WDR1: variants seen among roughly 807,000 people sequenced by gnomAD.
WDR1 encodes the protein WD repeat-containing protein 1.
WDR1 carries 21 observed loss-of-function variants against 71.9 expected under a neutral mutation model. The ratio of observed to expected loss-of-function variants is 0.29; its 90% CI spans 0.21 to 0.42. The LOEUF (loss-of-function observed/expected upper bound fraction) is 0.42. WDR1 is among the 10% of genes least tolerant of loss of function. The pLI is 1.00. For synonymous variants in WDR1, 424 were observed against 347.4 expected, an observed-to-expected ratio of 1.22 and a Z score of -2.45; for missense variants, 696 against 824.5, an observed-to-expected ratio of 0.84 and a Z score of 1.91.
At chr4:10,100,816 G>A (rs1001149005) in intron 3 of WDR1, among the ~76,000 whole-genome samples, 4 of 152,218 alleles carry the variant, frequency 2.6e-5, no homozygotes, top group South Asian at 2.1e-4. Context: ...TGGCAGCATC[G>A]GAGGGGAGCA....
In WDR1 at chr4:10,075,495, A is replaced by G. The variant is rs1199160763; in HGVS notation, c.1715-11T>C. The G allele has an allele frequency of 6.2e-7, 1 of 1,612,606 alleles. No individual in the cohort carries two copies. The stretch of plus-strand genomic sequence containing the variant: ...GCAGCCGGTGTGCATCTGGGAAGAA[A>G]GGGTGCAATTTAACGAAAAGCCAAA... On this transcript the variant is annotated splice_polypyrimidine_tract_variant and intron_variant, in intron 14 of 14. Coordinates refer to ENST00000499869, the MANE Select transcript of WDR1 (RefSeq NM_017491.5).
chr4:10,079,504 C>G (rs1764934329), intron 11 of WDR1, among the ~76,000 whole-genome samples: 1 of 152,234 alleles, frequency 6.6e-6, no homozygotes, highest in Admixed American at 6.5e-5. Flanking sequence ...TGAGCCGGGA[C>G]TCGCCCAGAA....
At position 10,087,788 on chromosome 4, in the gene WDR1, G is replaced by A. The variant is rs1209312373; in HGVS notation, c.870C>T (p.Asp290=). The A allele has an allele frequency of 3.8e-6, 6 of 1,599,000 alleles. No homozygotes were observed. In the Admixed American group the frequency reaches 8.7e-5, roughly 23 times the overall value. ...CGGACAGGGAGACACTGAGCAGGTG[G>A]TCCTTCTGCCATAGGCAGCCCAGCT... is the stretch of plus-strand genomic sequence containing the variant. The part of the protein sequence containing the change: ...DQQLGCLWQK[D]HLLSVSLSGY... Residue 290 remains aspartate, a synonymous_variant, in exon 8 of 15, where the codon GAC becomes GAT. Transcript: ENST00000499869.
At chr4:10,111,036 C>G (rs979596874) in intron 2 of WDR1, among the ~76,000 whole-genome samples, 1 of 152,244 alleles carries the variant, frequency 6.6e-6, no homozygotes, top group Admixed American at 6.5e-5. Flanking sequence ...CGCAACGGAA[C>G]CTGCGCTGAC....
intron 2 of WDR1, among the ~76,000 whole-genome samples, chr4:10,104,814 T>A (rs1465996680): frequency 6.6e-6 from 1 of 152,180 alleles, no homozygotes; most frequent in Non-Finnish European, 1.5e-5. Flanking sequence ...GTCAGCTTTT[T>A]ACAAACCAAG....
At chr4:10,083,216 T>G in intron 9 of WDR1, 38 bp from the exon 10 acceptor site, 1 of 1,598,824 alleles carries the variant, frequency 6.3e-7, no homozygotes, top group Non-Finnish European at 8.5e-7. Context: ...CTCCCAGGAC[T>G]GCTGGGTGTT....
intron 3 of WDR1, 117 bp from the exon 4 acceptor site, chr4:10,099,256 T>C (rs1430992547): frequency 6.1e-6 from 5 of 815,430 alleles, no homozygotes; most frequent in African/African-American, 1.7e-5. Flanking sequence ...CTCAGAACCA[T>C]GTCTGGTTGC....
chr4:10,115,907 T>C (rs1713688795), intron 2 of WDR1: 4 of 625,886 alleles, frequency 6.4e-6, no homozygotes, highest in Non-Finnish European at 1.1e-5. Flanking sequence ...AGACTCAGTT[T>C]CCTCATCAAG....
At position 10,099,157 on chromosome 4, in the gene WDR1, CGGGGGAGGGGGGGA is replaced by C. The variant is rs771047265; in HGVS notation, c.230-32_230-19del. ...AGACACATCTGTGGGGCACAGCGGG[CGGGGGAGGGGGGGA>C]GGCGGTGGTGGGGTAAAGGGCAGGG... On this transcript the variant is annotated intron_variant, in intron 3 of 14. Transcript: ENST00000499869. 26 of 226,494 alleles carry C rather than the reference CGGGGGAGGGGGGGA, an allele frequency of 1.1e-4. No individual in the cohort carries two copies. The highest frequency in any genetic ancestry group is 1.7e-4 in the Non-Finnish European group (26 of 149,026). The allele number at this position is 226,494 out of a possible 1,614,324, so 14.0% of individuals were successfully genotyped here.
chr4:10,116,759 C>A lies in WDR1; in HGVS notation c.-93G>T. ...ACCTCGCCGAGGCCGAGCCCGGGGA[C>A]TGGAGCCGGAAGGCGGCACCGGGCG... On this transcript the variant is annotated 5_prime_UTR_variant, in exon 1 of 15. Coordinates refer to ENST00000499869, the MANE Select transcript of WDR1 (RefSeq NM_017491.5). The A allele has an allele frequency of 8.1e-7, 1 of 1,235,490 alleles. No individual in the cohort carries two copies. Among genetic ancestry groups the A allele is most frequent in the Admixed American group, 4.2e-5 (1 of 23,826 alleles). 76.5% of individuals were successfully genotyped at this position (1,235,490 alleles called of 1,614,324 possible).
At position 10,075,391 on chromosome 4, in the gene WDR1, G is replaced by A; in HGVS notation, c.1808C>T (p.Thr603Ile). Residue 603 changes from threonine to isoleucine, a missense_variant, in exon 15 of 15, where the codon ACA (threonine) becomes ATA (isoleucine). Coordinates refer to ENST00000499869, the MANE Select transcript of WDR1 (RefSeq NM_017491.5). ...TSHDASVKEW[T>I]ITY ...GGGTGGGGCTCCTCAGTAGGTGATT[G>A]TCCACTCCTTGACAGAGGCATCATG... The A allele has an allele frequency of 6.2e-7, 1 of 1,613,894 alleles. No homozygotes were observed. Among genetic ancestry groups the A allele is most frequent in the Non-Finnish European group, 8.5e-7 (1 of 1,179,860 alleles).
chr4:10,107,551 C>A (rs547977021), intron 2 of WDR1, among the ~76,000 whole-genome samples: 1 of 152,202 alleles, frequency 6.6e-6, no homozygotes, highest in South Asian at 2.1e-4. Context: ...GGGCTGACTA[C>A]CCCAACCCAT....
chr4:10,086,726 G>A (rs113006337), intron 8 of WDR1, among the ~76,000 whole-genome samples: 6 of 152,214 alleles, frequency 3.9e-5, no homozygotes, highest in Admixed American at 1.3e-4. Flanking sequence ...TTGTCTCCCC[G>A]AGTGGCTTAA....
intron 8 of WDR1, among the ~76,000 whole-genome samples, chr4:10,085,421 A>G (rs111892771): frequency 0.017 from 2,635 of 152,308 alleles, 68 homozygotes; most frequent in African/African-American, 0.06. Flanking sequence ...TTCCACAGAG[A>G]CGTGGGGAAA....
At chr4:10,079,028 G>C (rs1406117708) in intron 11 of WDR1, 27 bp from the exon 12 acceptor site, 2 of 1,568,072 alleles carry the variant, frequency 1.3e-6, no homozygotes, top group Admixed American at 1.7e-5. Context: ...CAGCTGGTCA[G>C]GCGGTCCAGC....
chr4:10,082,667 C>A (rs1412288911), intron 10 of WDR1, among the ~76,000 whole-genome samples: 1 of 152,208 alleles, frequency 6.6e-6, no homozygotes, highest in Non-Finnish European at 1.5e-5. Flanking sequence ...CTCACCTAAT[C>A]CACAACAGCC....
Position 10,082,269 on chromosome 4 carries a change from G to A in WDR1, c.1196+753C>T, listed in dbSNP as rs531276530. ...GGACGGCACACCTGCTAGGAGTTGC[G>A]TGCTGCACCCTGTGCCAGGCTCCCA... On this transcript the variant is annotated intron_variant, in intron 10 of 14. Coordinates refer to ENST00000499869, the MANE Select transcript of WDR1 (RefSeq NM_017491.5). 3.3e-5 allele frequency among the ~76,000 whole-genome samples: 5 copies of A among 152,302 alleles called. No homozygotes were observed. In the South Asian group the frequency reaches 6.2e-4, roughly 19 times the overall value.
At chr4:10,082,142 C>A (rs539253275) in intron 10 of WDR1, among the ~76,000 whole-genome samples, 63 of 152,300 alleles carry the variant, frequency 4.1e-4, no homozygotes, top group South Asian at 1.7e-3. Flanking sequence ...GACCAGGGCC[C>A]AGATGCCTGG....
chr4:10,086,622 C>T (rs915615151), intron 8 of WDR1, among the ~76,000 whole-genome samples: 1 of 152,226 alleles, frequency 6.6e-6, no homozygotes, highest in Non-Finnish European at 1.5e-5. Context: ...CAGGCTGGCC[C>T]ACACTAGCCC....
Sources: allele counts gnomAD v4.1 joint callset (sites outside exome capture counted in the v4.1 genomes callset), GRCh38; gene constraint gnomAD v4.1.1; transcripts MANE v1.5; gene names NCBI Gene and HGNC (gene_info 2026-07-23, HGNC 2026-07-21).